The following SLC5A2 variants were observed in gnomAD, a reference collection of about 807,000 sequenced individuals.
The protein encoded by SLC5A2 is sodium/glucose cotransporter 2.
In SLC5A2, 67 loss-of-function variants were observed where a neutral mutation model predicts 69.0. The ratio of observed to expected loss-of-function variants is 0.97; its 90% CI spans 0.80 to 1.19. The LOEUF (loss-of-function observed/expected upper bound fraction) is 1.19. Ranked by LOEUF, SLC5A2 falls within the 50% of genes most tolerant of loss-of-function variation. SLC5A2 has a pLI of 0.00. For missense variants in SLC5A2, 1,001 were observed against 921.5 expected, an observed-to-expected ratio of 1.09 and a Z score of -1.12; for synonymous variants, 455 against 395.8, an observed-to-expected ratio of 1.15 and a Z score of -1.78.
At position 31,490,388 on chromosome 16, in the gene SLC5A2, T is replaced by C; in HGVS notation, c.1872T>C (p.Ser624=). ...FCGMSRGGVG[S]PPPLTQEEAA... ...GAATGAGCAGAGGTGGGGTGGGCAGTCCTCCGCCCCTTACCCAGGAGGAGG... is the reference window on the plus strand; with the variant it reads ...GAATGAGCAGAGGTGGGGTGGGCAGCCCTCCGCCCCTTACCCAGGAGGAGG... Residue 624 remains serine, a synonymous_variant, in exon 14 of 14, where the codon AGT becomes AGC. Coordinates refer to ENST00000330498, the MANE Select transcript of SLC5A2 (RefSeq NM_003041.4). The C allele has an allele frequency of 6.2e-7, 1 of 1,613,286 alleles. No homozygotes were observed.
At position 31,488,956 on chromosome 16, in the gene SLC5A2, T is replaced by A. The variant is rs1596620978; in HGVS notation, c.1357T>A (p.Phe453Ile). 6.2e-7 allele frequency: 1 copy of A among 1,603,062 alleles called. No individual in the cohort carries two copies. The highest frequency in any genetic ancestry group is 2.2e-5 in the East Asian group (1 of 44,868). ...VVQAAQGGQL[F>I]DYIQAVSSYL... is the part of the protein sequence containing the mutation. ...GCAGGCGGCACAGGGCGGGCAGCTCTTCGATTACATCCAGGCAGTCTCTAG... is the reference window on the plus strand; with the variant it reads ...GCAGGCGGCACAGGGCGGGCAGCTCATCGATTACATCCAGGCAGTCTCTAG... Residue 453 changes from phenylalanine (F) to isoleucine (I), a missense_variant, in exon 11 of 14, where the codon TTC becomes ATC. Coordinates refer to ENST00000330498, the MANE Select transcript of SLC5A2 (RefSeq NM_003041.4).
intron 7 of SLC5A2, 25 bp from the exon 8 acceptor site, chr16:31,488,013 G>A: frequency 6.2e-7 from 1 of 1,610,780 alleles, no homozygotes; most frequent in Non-Finnish European, 8.5e-7. Flanking sequence ...GCCCGCAAGC[G>A]GGCAGCTGAA....
At position 31,488,295 on chromosome 16, in the gene SLC5A2, G is replaced by A. The variant is rs537526690; in HGVS notation, c.1022-88G>A. On this transcript the variant is annotated intron_variant, in intron 8 of 13. Transcript: ENST00000330498. ...TCCCGCCTCCCTCCGGGGGTCGCACGCCTCCTCTGCTAGGATTCCCAGTCC... is the reference window on the plus strand; with the variant it reads ...TCCCGCCTCCCTCCGGGGGTCGCACACCTCCTCTGCTAGGATTCCCAGTCC... 3.1e-6 allele frequency: 5 copies of A among 1,597,390 alleles called. No homozygotes were observed. The African/African-American group carries it at 6.7e-5, about 21-fold the overall frequency.
intron 1 of SLC5A2, 116 bp from the exon 2 acceptor site, chr16:31,484,557 G>C (rs2082480089): frequency 1.7e-6 from 2 of 1,188,906 alleles, no homozygotes; most frequent in Non-Finnish European, 2.5e-6. Context: ...CAAACGATCA[G>C]GGAAACTTGG....
rs1555496238 is a variant in SLC5A2, at chr16:31,489,354, CCCCAGGCAAGCACTGTGGGA to C, written c.1665+18_1665+37del. The C allele has an allele frequency of 6.2e-7, 1 of 1,601,186 alleles. No homozygotes were observed. Among genetic ancestry groups the C allele is most frequent in the Non-Finnish European group, 8.5e-7 (1 of 1,176,794 alleles). On this transcript the variant is annotated intron_variant, in intron 12 of 13. Coordinates refer to ENST00000330498, the MANE Select transcript of SLC5A2 (RefSeq NM_003041.4). ...CAGAAAGCACGTGAGTGGCCAGGTG[CCCCAGGCAAGCACTGTGGGA>C]CACAGCACCTACCCTCTGCTTCCTG...
At chr16:31,484,979 C>A in intron 3 of SLC5A2, 56 bp downstream of exon 3, 2 of 1,481,810 alleles carry the variant, frequency 1.3e-6, no homozygotes, top group South Asian at 2.3e-5. Flanking sequence ...CTGGAAGGGT[C>A]ACACCTTGGG....
At position 31,488,965 on chromosome 16, in the gene SLC5A2, A is replaced by T; in HGVS notation, c.1366A>T (p.Ile456Phe). ...ACAGGGCGGGCAGCTCTTCGATTAC[A>T]TCCAGGCAGTCTCTAGCTACCTGGC... Reference protein sequence around the residue: ...AAQGGQLFDYIQAVSSYLAPP... With the variant: ...AAQGGQLFDYFQAVSSYLAPP... The change falls in exon 11 of 14, where the codon ATC becomes TTC. Residue 456 changes from isoleucine to phenylalanine, a missense_variant. Ile to Phe is a conservative substitution (Grantham distance 21). Coordinates refer to ENST00000330498, the MANE Select transcript of SLC5A2 (RefSeq NM_003041.4). 6.2e-7 allele frequency: 1 copy of T among 1,602,566 alleles called. No individual in the cohort carries two copies. The highest frequency in any genetic ancestry group is 8.5e-7 in the Non-Finnish European group (1 of 1,179,858).
At position 31,484,851 on chromosome 16, in the gene SLC5A2, C is replaced by T. The variant is rs962174071; in HGVS notation, c.231C>T (p.Gly77=). 1 of 1,614,010 alleles carries T rather than the reference C, an allele frequency of 6.2e-7. No individual in the cohort carries two copies. The highest frequency in any genetic ancestry group is 1.7e-5 in the Admixed American group (1 of 60,036). ...CCTCTCTCTTCGCCAGCAACATCGG[C>T]AGTGGCCACTTTGTGGGCCTGGCAG... is the stretch of plus-strand genomic sequence containing the variant. ...VGASLFASNI[G]SGHFVGLAGT... The change falls in exon 3 of 14, where the codon GGC becomes GGT. Residue 77 remains glycine (G), a synonymous_variant. Transcript: ENST00000330498.
intron 8 of SLC5A2, 54 bp from the exon 9 acceptor site, chr16:31,488,329 T>C: frequency 2.5e-6 from 4 of 1,604,126 alleles, no homozygotes; most frequent in South Asian, 1.1e-5. Flanking sequence ...CCCCACCTCC[T>C]GGGATTCCCA....
Position 31,490,605 on chromosome 16 carries a change from C to G in SLC5A2, c.*70C>G, listed in dbSNP as rs867270650. 1.2e-4 allele frequency: 156 copies of G among 1,353,204 alleles called. 1 individual carries two copies. The Middle Eastern group carries it at 3.1e-3, about 27-fold the overall frequency. 83.8% of individuals were successfully genotyped at this position (1,353,204 alleles called of 1,614,324 possible). On this transcript the variant is annotated 3_prime_UTR_variant, in exon 14 of 14. Coordinates refer to ENST00000330498, the MANE Select transcript of SLC5A2 (RefSeq NM_003041.4). The stretch of plus-strand genomic sequence containing the variant: ...GGGGGTGAGGAGCCTGCGGTGCTCC[C>G]CAGAAAAGGGGAAGGGGCAGTGGGG...
At chr16:31,488,228 A>G in intron 8 of SLC5A2, 55 bp downstream of exon 8, 1 of 1,613,088 alleles carries the variant, frequency 6.2e-7, no homozygotes, top group Non-Finnish European at 8.5e-7. Flanking sequence ...CCCGTCGCCC[A>G]GTTCCGTCAC....
rs202149151 is a variant in SLC5A2, at chr16:31,483,251, G to A, written c.115G>A (p.Val39Ile). ...TGCATATTTCCTGCTGGTCATTGGC[G>A]TTGGCTTGTGGGTGAGAAGTTGGGG... ...IAAYFLLVIG[V>I]GLWSMCRTNR... The change falls in exon 1 of 14, where the codon GTT becomes ATT. Residue 39 changes from valine (V) to isoleucine (I), a missense_variant. By Grantham distance (29) the Val-to-Ile change is conservative. Transcript: ENST00000330498. The A allele has an allele frequency of 1.5e-5, 24 of 1,613,822 alleles. No individual in the cohort carries two copies. The highest frequency in any genetic ancestry group is 8.9e-5 in the East Asian group (4 of 44,882).
chr16:31,487,253 G>T, intron 5 of SLC5A2, 67 bp from the exon 6 acceptor site: 1 of 1,425,318 alleles, frequency 7.0e-7, no homozygotes, highest in South Asian at 1.1e-5. Context: ...CCACAAAGAC[G>T]CCTTATTGCT....
At chr16:31,484,541 G>T in intron 1 of SLC5A2, 132 bp from the exon 2 acceptor site, 1 of 942,798 alleles carries the variant, frequency 1.1e-6, no homozygotes, top group Non-Finnish European at 1.7e-6. Context: ...GTTGGGGGTG[G>T]GAGTGCAAAC....
intron 5 of SLC5A2, 129 bp from the exon 6 acceptor site, chr16:31,487,191 C>A (rs1246387597): frequency 2.2e-6 from 2 of 929,520 alleles, no homozygotes; most frequent in Admixed American, 1.8e-5. Flanking sequence ...GCCCCGAGAA[C>A]AGGCTATCGT....
intron 5 of SLC5A2, 126 bp downstream of exon 5, chr16:31,486,401 G>T (rs896432067): frequency 1.3e-5 from 9 of 719,064 alleles, no homozygotes; most frequent in Non-Finnish European, 2.0e-5. Context: ...GTCCAAGCAG[G>T]AGAAGGAACT....
Position 31,489,303 on chromosome 16 carries a change from G to A in SLC5A2, c.1630G>A (p.Val544Ile). The part of the protein sequence containing the change: ...FFCSGLLTLT[V>I]SLCTAPIPRK... ...CTGCTCTGGCCTCCTCACCCTCACG[G>A]TCTCCCTGTGCACCGCGCCCATCCC... Residue 544 changes from valine (V) to isoleucine (I), a missense_variant, in exon 12 of 14, where the codon GTC becomes ATC. Transcript: ENST00000330498. The A allele has an allele frequency of 1.2e-6, 2 of 1,610,102 alleles. No individual in the cohort carries two copies. Among genetic ancestry groups the A allele is most frequent in the South Asian group, 1.1e-5 (1 of 91,078 alleles).
chr16:31,485,303 G>C (rs1370889016), intron 3 of SLC5A2: 19 of 448,570 alleles, frequency 4.2e-5, no homozygotes, highest in Middle Eastern at 6.5e-4. Context: ...GAGAGGAGCA[G>C]AGACAAAGCT....
At position 31,487,591 on chromosome 16, in the gene SLC5A2, G is replaced by T. The variant is rs762083010; in HGVS notation, c.717G>T (p.Ser239=). Residue 239 remains serine, a synonymous_variant, in exon 7 of 14, where the codon TCG becomes TCT. Transcript: ENST00000330498. The stretch of plus-strand genomic sequence containing the variant: ...ACAAATACCTGGGAGCAGCGACTTC[G>T]CTGACGGTGTCCGAGGATCCAGCCG... The part of the protein sequence containing the change: ...LFDKYLGAAT[S]LTVSEDPAVG... The T allele has an allele frequency of 6.2e-7, 1 of 1,613,844 alleles. No homozygotes were observed. The highest frequency in any genetic ancestry group is 1.7e-5 in the Admixed American group (1 of 60,030).
Sources: gnomAD v4.1 joint callset for allele counts on GRCh38, gnomAD v4.1.1 for gene constraint, MANE v1.5 for transcripts, NCBI Gene and HGNC (gene_info 2026-07-23, HGNC 2026-07-21) for gene names.